Variants in NKX2-6 observed in about 807,000 individuals in gnomAD.
NKX2-6 encodes NK2 homeobox 6, also known as homeobox protein Nkx-2.6.
NKX2-6 carries 8 observed loss-of-function variants against 8.6 expected under a neutral mutation model. That is an observed-to-expected ratio of 0.93 (90% CI 0.54 to 1.67). The LOEUF (loss-of-function observed/expected upper bound fraction) is 1.67. Among genes scored for constraint, NKX2-6 ranks in the 40% most tolerant of loss-of-function variants. The probability of loss-of-function intolerance (pLI) is 0.00; values close to 1 mark genes in which losing one functional copy is unlikely to be tolerated. For missense variants in NKX2-6, 475 were observed against 423.1 expected, an observed-to-expected ratio of 1.12 and a Z score of -1.08; for synonymous variants, 210 against 199.3, an observed-to-expected ratio of 1.05 and a Z score of -0.45.
chr8:23,702,961 T>A lies in NKX2-6; in HGVS notation c.396A>T (p.Arg132=), dbSNP rs977597161. ...GRSEQPKARQ[R]RKPRVLFSQA... ...GCGAAAAGAGCACGCGCGGCTTCCG[T>A]CGTTGCCGCGCCTTGGGCTGCTCCG... Residue 132 remains arginine, a synonymous_variant, in exon 2 of 2, where the codon CGA becomes CGT. Transcript: ENST00000325017. The A allele has an allele frequency of 1.3e-6, 2 of 1,546,542 alleles. No individual in the cohort carries two copies. The highest frequency in any genetic ancestry group is 2.4e-5 in the South Asian group (2 of 83,868).
chr8:23,704,030 A>G (rs1359144799), intron 1 of NKX2-6, among the ~76,000 whole-genome samples: 1 of 152,202 alleles, frequency 6.6e-6, no homozygotes, highest in East Asian at 1.9e-4. Context: ...CTGTAAGTCC[A>G]GGAGCGGGAG....
At chr8:23,704,751 A>T (rs1342034686) in intron 1 of NKX2-6, among the ~76,000 whole-genome samples, 1 of 152,194 alleles carries the variant, frequency 6.6e-6, no homozygotes, top group African/African-American at 2.4e-5. Flanking sequence ...TTCTTAGCGC[A>T]TCGAAAGGTA....
At chr8:23,703,107 C>T (rs1170385121) in intron 1 of NKX2-6, 25 bp from the exon 2 acceptor site, 3 of 1,533,884 alleles carry the variant, frequency 2.0e-6, no homozygotes, top group East Asian at 2.5e-5. Context: ...AGGGACACAT[C>T]AGCGCCCAGC....
At chr8:23,706,293 C>T (rs1238795692) in intron 1 of NKX2-6, 32 bp downstream of exon 1, 1 of 1,510,432 alleles carries the variant, frequency 6.6e-7, no homozygotes, top group Admixed American at 2.1e-5. Context: ...CACATTCCCC[C>T]CGTAGGAGGC....
Position 23,706,514 on chromosome 8 carries a change from A to T in NKX2-6, c.85T>A (p.Ser29Thr). Reference protein sequence around the residue: ...LERERSCPAASPHPRVRKSPE... With the variant: ...LERERSCPAATPHPRVRKSPE... ...CTCTTCCGCACCCGCGGATGTGGCG[A>T]AGCCGCGGGGCAGCTCCGCTCGCGC... is the stretch of plus-strand genomic sequence containing the variant. Residue 29 changes from serine (S) to threonine (T), a missense_variant, in exon 1 of 2, where the codon TCG becomes ACG. Coordinates refer to ENST00000325017, the MANE Select transcript of NKX2-6 (RefSeq NM_001136271.3). 1 of 1,537,788 alleles carries T rather than the reference A, an allele frequency of 6.5e-7. No homozygotes were observed. The highest frequency in any genetic ancestry group is 8.7e-7 in the Non-Finnish European group (1 of 1,146,926).
Position 23,702,421 on chromosome 8 carries a change from C to T in NKX2-6, c.*30G>A, listed in dbSNP as rs1801018231. 7.0e-7 allele frequency: 1 copy of T among 1,434,066 alleles called. No homozygotes were observed. The allele number at this position is 1,434,066 out of a possible 1,614,324, so 88.8% of individuals were successfully genotyped here. A position where few individuals can be genotyped will look rare whatever the true frequency, so the allele number is the denominator to read the frequency against. On this transcript the variant is annotated 3_prime_UTR_variant, in exon 2 of 2. Transcript: ENST00000325017. ...GGAGGGGAAGGGAACGAGCATCTGG[C>T]CCTGGTTGGCAGAGTCAAGCCGAGG...
intron 1 of NKX2-6, 132 bp from the exon 2 acceptor site, chr8:23,703,214 CCGAACCCTGTCCCAGGA>C (rs1251093572): frequency 4.7e-5 from 51 of 1,078,850 alleles, no homozygotes; most frequent in Middle Eastern, 3.1e-4. Flanking sequence ...CCTACTGCCC[CCGAACCCTGTCCCAGGA>C]CGAACCCTGT....
intron 1 of NKX2-6, 141 bp downstream of exon 1, chr8:23,706,184 C>G: frequency 1.2e-6 from 1 of 835,854 alleles, no homozygotes; most frequent in Non-Finnish European, 1.8e-6. Flanking sequence ...ATTCGAGAGG[C>G]CTTTTTTTGG....
At chr8:23,703,702 CAAACAAACAAA>C (rs1309129172) in intron 1 of NKX2-6, among the ~76,000 whole-genome samples, 8 of 47,396 alleles carry the variant, frequency 1.7e-4, no homozygotes, top group Non-Finnish European at 2.7e-4. Flanking sequence ...TCTCAAAAAA[CAAACAAACAAA>C]AAACAAACAA....
In NKX2-6 at chr8:23,706,522, G is replaced by T; in HGVS notation, c.77C>A (p.Pro26His). 6.5e-7 allele frequency: 1 copy of T among 1,537,364 alleles called. No individual in the cohort carries two copies. Among genetic ancestry groups the T allele is most frequent in the Non-Finnish European group, 8.7e-7 (1 of 1,146,932 alleles). ...CACCCGCGGATGTGGCGAAGCCGCG[G>T]GGCAGCTCCGCTCGCGCTCCAGTCG... ...ILRLERERSC[P>H]AASPHPRVRK... The change falls in exon 1 of 2, where the codon CCC becomes CAC. Residue 26 changes from proline (P) to histidine (H), a missense_variant. By Grantham distance (77) the Pro-to-His change is moderately conservative. Coordinates refer to ENST00000325017, the MANE Select transcript of NKX2-6 (RefSeq NM_001136271.3).
intron 1 of NKX2-6, among the ~76,000 whole-genome samples, chr8:23,703,709 AC>A (rs1801045743): frequency 2.1e-5 from 1 of 47,024 alleles, no homozygotes; most frequent in Non-Finnish European, 3.8e-5. Context: ...AAACAAACAA[AC>A]AAAAAACAAA....
chr8:23,702,947 A>T lies in NKX2-6; in HGVS notation c.410T>A (p.Val137Glu). Residue 137 changes from valine (V) to glutamate (E), a missense_variant, in exon 2 of 2, where the codon GTG becomes GAG. Val to Glu is a moderately radical substitution (Grantham distance 121). Transcript: ENST00000325017. ...PKARQRRKPR[V>E]LFSQAQVLAL... ...CAGCACCTGCGCCTGCGAAAAGAGC[A>T]CGCGCGGCTTCCGTCGTTGCCGCGC... 1 of 1,548,304 alleles carries T rather than the reference A, an allele frequency of 6.5e-7. No individual in the cohort carries two copies.
intron 1 of NKX2-6, among the ~76,000 whole-genome samples, chr8:23,704,684 A>G (rs1358596603): frequency 6.6e-6 from 1 of 152,252 alleles, no homozygotes; most frequent in Non-Finnish European, 1.5e-5. Context: ...GTCTGTGCTC[A>G]GATAAACTGA....
Position 23,702,506 on chromosome 8 carries a change from T to C in NKX2-6, c.851A>G (p.Asn284Ser). ...ASAGFGHGGQ[N>S]ATPQGHLAAT... Reference sequence around the variant, plus strand: ...TGCCAGATGGCCCTGCGGGGTGGCATTCTGGCCACCGTGTCCGAAGCCCGC... The same window carrying C: ...TGCCAGATGGCCCTGCGGGGTGGCACTCTGGCCACCGTGTCCGAAGCCCGC... Residue 284 changes from asparagine (N) to serine (S), a missense_variant, in exon 2 of 2, where the codon AAT becomes AGT. Coordinates refer to ENST00000325017, the MANE Select transcript of NKX2-6 (RefSeq NM_001136271.3). 1.3e-6 allele frequency: 2 copies of C among 1,526,804 alleles called. No homozygotes were observed. The highest frequency in any genetic ancestry group is 1.8e-6 in the Non-Finnish European group (2 of 1,136,650). 94.6% of individuals were successfully genotyped at this position (1,526,804 alleles called of 1,614,324 possible).
At chr8:23,704,690 A>G (rs940359210) in intron 1 of NKX2-6, among the ~76,000 whole-genome samples, 28 of 152,300 alleles carry the variant, frequency 1.8e-4, no homozygotes, top group African/African-American at 6.5e-4. Flanking sequence ...GCTCAGATAA[A>G]CTGAGGCCAT....
chr8:23,704,710 C>G (rs1178529660), intron 1 of NKX2-6, among the ~76,000 whole-genome samples: 1 of 151,896 alleles, frequency 6.6e-6, no homozygotes, highest in Non-Finnish European at 1.5e-5. Context: ...TCTCCACTTG[C>G]AAAGAGGAAA....
Position 23,706,666 on chromosome 8 carries a change from G to A in NKX2-6, c.-68C>T. On this transcript the variant is annotated 5_prime_UTR_variant, in exon 1 of 2. An upstream open reading frame in the 5' UTR gains an earlier in-frame stop. Transcript: ENST00000325017. ...AGCGGCACCCTGAACTTCCCGTCTT[G>A]TCGCTGCAGGCCCCGCAGACAGACC... 2.1e-6 allele frequency: 3 copies of A among 1,444,424 alleles called. No individual in the cohort carries two copies. The highest frequency in any genetic ancestry group is 2.8e-6 in the Non-Finnish European group (3 of 1,084,346). 89.5% of individuals were successfully genotyped at this position (1,444,424 alleles called of 1,614,324 possible).
At chr8:23,706,199 C>T in intron 1 of NKX2-6, 126 bp downstream of exon 1, 1 of 1,062,424 alleles carries the variant, frequency 9.4e-7, no homozygotes. Context: ...TTTTGGACTC[C>T]TCGAGAGAAA....
intron 1 of NKX2-6, among the ~76,000 whole-genome samples, chr8:23,705,563 C>T (rs1454499729): frequency 6.6e-6 from 1 of 152,250 alleles, no homozygotes; most frequent in Non-Finnish European, 1.5e-5. Context: ...ACACAACTCC[C>T]CGCCAGCCCC....
Sources: allele counts gnomAD v4.1 joint callset (sites outside exome capture counted in the v4.1 genomes callset), GRCh38; gene constraint gnomAD v4.1.1; transcripts MANE v1.5; gene names NCBI Gene and HGNC (gene_info 2026-07-23, HGNC 2026-07-21).